Variants in PTPRN2 observed in about 807,000 individuals in gnomAD.
The protein encoded by PTPRN2 is protein tyrosine phosphatase receptor type N2, also known as receptor-type tyrosine-protein phosphatase N2.
PTPRN2 carries 74 observed loss-of-function variants against 118.8 expected under a neutral mutation model. That is an observed-to-expected ratio of 0.62 (90% CI 0.52 to 0.76). The LOEUF is 0.76. Ranked by LOEUF, PTPRN2 falls within the 30% of genes least tolerant of loss-of-function variation. The pLI is 0.00. For synonymous variants in PTPRN2, 641 were observed against 608.0 expected, an observed-to-expected ratio of 1.05 and a Z score of -0.80; for missense variants, 1,481 against 1,394.4, an observed-to-expected ratio of 1.06 and a Z score of -0.99.
rs115037599 is a variant in PTPRN2, at chr7:157,816,962, A to G, written c.1788+81711T>C. Among the ~76,000 whole-genome samples, 706 of 152,322 alleles carry G rather than the reference A, an allele frequency of 4.6e-3. 8 individuals are homozygous for G. The highest frequency in any genetic ancestry group is 0.016 in the African/African-American group (662 of 41,588). On this transcript the variant is annotated intron_variant, in intron 12 of 22. Coordinates refer to ENST00000389418, the MANE Select transcript of PTPRN2 (RefSeq NM_002847.5). ...TAACAGGGGTCCCCACATCCAGGGC[A>G]CTGCAGATGGGCTGCCGACCACATG... is the stretch of plus-strand genomic sequence containing the variant.
intron 2 of PTPRN2, among the ~76,000 whole-genome samples, chr7:158,319,466 TCA>T (rs1482303926): frequency 3.7e-5 from 2 of 53,980 alleles, no homozygotes; most frequent in Non-Finnish European, 3.5e-5. Flanking sequence ...ACAGCCTCCC[TCA>T]CACACAAGCA....
At chr7:157,870,904 C>G (rs1008506911) in intron 12 of PTPRN2, among the ~76,000 whole-genome samples, 1 of 152,224 alleles carries the variant, frequency 6.6e-6, no homozygotes, top group Non-Finnish European at 1.5e-5. Context: ...TGATGTTGAT[C>G]TTTCTGTGAG....
chr7:158,248,299 C>A (rs1253261542), intron 3 of PTPRN2, among the ~76,000 whole-genome samples: 1 of 152,130 alleles, frequency 6.6e-6, no homozygotes, highest in Admixed American at 6.5e-5. Context: ...CGCTGAGCTG[C>A]CAGCTATGCA....
chr7:158,148,444 C>A (rs1192554693), intron 6 of PTPRN2, among the ~76,000 whole-genome samples: 2 of 130,238 alleles, frequency 1.5e-5, no homozygotes, highest in African/African-American at 5.8e-5. Flanking sequence ...CAATGACACC[C>A]CATCTCATGC....
chr7:158,348,297 GGGTTCC>G (rs1807673960), intron 2 of PTPRN2, among the ~76,000 whole-genome samples: 13 of 145,002 alleles, frequency 9.0e-5, no homozygotes, highest in African/African-American at 3.6e-4. Flanking sequence ...GAGCCACCCT[GGGTTCC>G]CCATTCACAG....
intron 17 of PTPRN2, among the ~76,000 whole-genome samples, chr7:157,592,859 G>T (rs1167089737): frequency 1.5e-4 from 17 of 114,922 alleles, no homozygotes; most frequent in African/African-American, 1.3e-4. Context: ...CCTGCTGAAT[G>T]GAGGGTGGAT....
chr7:157,800,092 C>T (rs866869424), intron 12 of PTPRN2, among the ~76,000 whole-genome samples: 9 of 148,876 alleles, frequency 6.0e-5, no homozygotes, highest in Middle Eastern at 7.4e-3. Flanking sequence ...CAGCCTCCTC[C>T]ATCCCTGAGG....
intron 11 of PTPRN2, among the ~76,000 whole-genome samples, chr7:158,035,426 G>A (rs945383254): frequency 7.9e-5 from 12 of 152,234 alleles, no homozygotes; most frequent in African/African-American, 2.2e-4. Flanking sequence ...AAAGCACAGA[G>A]CTGGGGCAAA....
At chr7:158,188,306 AT>A (rs1825405378) in intron 5 of PTPRN2, among the ~76,000 whole-genome samples, 4 of 45,152 alleles carry the variant, frequency 8.9e-5, no homozygotes, top group Non-Finnish European at 1.2e-4. Context: ...CGCCCCCTGT[AT>A]GGGGAAGGCC....
chr7:158,171,306 CACAT>C lies in PTPRN2; in HGVS notation c.550-4019_550-4016del, dbSNP rs1300735031. Reference sequence around the variant, plus strand: ...ATATATATACACACATATATATACACACATATATATATATATATATATATATATA... The same window carrying C: ...ATATATATACACACATATATATACACATATATATATATATATATATATATA... On this transcript the variant is annotated intron_variant, in intron 5 of 22. Transcript: ENST00000389418. Among the ~76,000 whole-genome samples, 313 of 33,430 alleles carry C rather than the reference CACAT, an allele frequency of 9.4e-3. 17 individuals carry two copies. The highest frequency in any genetic ancestry group is 0.079 in the Middle Eastern group (3 of 38). 21.9% of individuals were successfully genotyped at this position (33,430 alleles called of 152,430 possible).
chr7:157,545,499 G>A (rs1558416), intron 22 of PTPRN2, among the ~76,000 whole-genome samples: 61,108 of 151,704 alleles, frequency 0.4, 13,217 homozygotes, highest in Middle Eastern at 0.59. Flanking sequence ...CAGTGTGCAG[G>A]TGTGTGGGTG....
At chr7:158,129,837 A>G (rs1818027416) in intron 9 of PTPRN2, among the ~76,000 whole-genome samples, 1 of 152,200 alleles carries the variant, frequency 6.6e-6, no homozygotes, top group South Asian at 2.1e-4. Flanking sequence ...AGAAATGAAC[A>G]GCCATGAGAA....
chr7:158,249,254 T>G (rs1796495000), intron 3 of PTPRN2, among the ~76,000 whole-genome samples: 1 of 149,584 alleles, frequency 6.7e-6, no homozygotes, highest in East Asian at 2.0e-4. Flanking sequence ...ACATCCTGCA[T>G]GCACACGCAT....
intron 12 of PTPRN2, among the ~76,000 whole-genome samples, chr7:157,767,525 G>A (rs1802556851): frequency 1.3e-5 from 2 of 152,200 alleles, no homozygotes. Flanking sequence ...CACGAATACA[G>A]CAGTAAGAAT....
At position 158,538,914 on chromosome 7, in the gene PTPRN2, G is replaced by A. The variant is rs80006602; in HGVS notation, c.112+48644C>T. The stretch of plus-strand genomic sequence containing the variant: ...CACCCAAACTCACAGGTGGGCAGGG[G>A]GTGGTCTGACTCCCAGCCCAGTCCC... On this transcript the variant is annotated intron_variant, in intron 1 of 22. Coordinates refer to ENST00000389418, the MANE Select transcript of PTPRN2 (RefSeq NM_002847.5). Among the ~76,000 whole-genome samples the A allele has an allele frequency of 2.8e-3, 424 of 152,252 alleles. 2 individuals are homozygous for A. Among genetic ancestry groups the A allele is most frequent in the African/African-American group, 9.4e-3 (392 of 41,556 alleles).
intron 3 of PTPRN2, among the ~76,000 whole-genome samples, chr7:158,246,390 G>A (rs1273515872): frequency 2.0e-5 from 3 of 151,348 alleles, no homozygotes; most frequent in African/African-American, 2.4e-5. Context: ...GAGTCGAGAC[G>A]CGTCTCTCTA....
chr7:157,631,516 G>A (rs1253973792), intron 14 of PTPRN2, among the ~76,000 whole-genome samples: 1 of 151,920 alleles, frequency 6.6e-6, no homozygotes, highest in African/African-American at 2.4e-5. Context: ...GGCTAACACG[G>A]TGAAACCCTG....
intron 21 of PTPRN2, among the ~76,000 whole-genome samples, 189 bp downstream of exon 21, chr7:157,568,713 G>A (rs1373677062): frequency 6.6e-6 from 1 of 151,970 alleles, no homozygotes; most frequent in Non-Finnish European, 1.5e-5. Context: ...TCGGCACGCA[G>A]AGGCAGGTAA....
intron 2 of PTPRN2, among the ~76,000 whole-genome samples, chr7:158,427,858 C>G (rs11971630): frequency 2.5e-3 from 15 of 5,912 alleles, no homozygotes; most frequent in African/African-American, 5.7e-3. Context: ...CGGGAAAGAC[C>G]CAGAGTCCGA....
Sources: gnomAD v4.1 joint callset for allele counts (sites outside exome capture counted in the v4.1 genomes callset) on GRCh38, gnomAD v4.1.1 for gene constraint, MANE v1.5 for transcripts, NCBI Gene and HGNC (gene_info 2026-07-23, HGNC 2026-07-21) for gene names.